Variants in GUCY2C observed in about 807,000 individuals in gnomAD.
GUCY2C encodes guanylate cyclase 2C, also known as guanylyl cyclase C.
Under a neutral mutation model 131.1 loss-of-function variants are expected in GUCY2C, and 118 were observed. The observed-to-expected ratio is 0.90, with a 90% CI of 0.78 to 1.05. The LOEUF (loss-of-function observed/expected upper bound fraction) is 1.05. Among genes scored for constraint, GUCY2C ranks in the 50% least tolerant of loss-of-function variants. The pLI, the probability that GUCY2C is intolerant of heterozygous loss-of-function variation, is 0.00. For synonymous variants in GUCY2C, 452 were observed against 457.8 expected (o/e 0.99, Z 0.16); for missense variants, 1,161 against 1,304.4 (o/e 0.89, Z 1.69).
intron 5 of GUCY2C, among the ~76,000 whole-genome samples, chr12:14,680,638 A>G (rs1948330135): frequency 6.6e-6 from 1 of 152,178 alleles, no homozygotes; most frequent in South Asian, 2.1e-4. Flanking sequence ...TGGAAAGTGC[A>G]ACAAATCCCC....
chr12:14,628,788 C>T (rs1947078949), intron 19 of GUCY2C, 51 bp from the exon 20 acceptor site: 1 of 895,250 alleles, frequency 1.1e-6, no homozygotes, highest in Middle Eastern at 2.2e-4. Context: ...TAAACTAAAT[C>T]AAGAGAGAAT....
chr12:14,679,507 A>G (rs1203600247), intron 6 of GUCY2C, 150 bp downstream of exon 6: 6 of 572,498 alleles, frequency 1.0e-5, no homozygotes, highest in Non-Finnish European at 1.6e-5. Flanking sequence ...GCTAAATAAG[A>G]ATGACAGTGT....
At chr12:14,621,889 A>G in intron 22 of GUCY2C, 116 bp downstream of exon 22, 1 of 651,218 alleles carries the variant, frequency 1.5e-6, no homozygotes, top group Non-Finnish European at 2.5e-6. Flanking sequence ...TCAACCACCA[A>G]TTCACTAAAT....
At chr12:14,659,132 G>A (rs1048999132) in intron 11 of GUCY2C, among the ~76,000 whole-genome samples, 4 of 151,216 alleles carry the variant, frequency 2.6e-5, no homozygotes, top group African/African-American at 4.9e-5. Flanking sequence ...TGCAACCTCC[G>A]CCTCCCGGGT....
At chr12:14,675,952 T>C (rs1053513984) in intron 7 of GUCY2C, among the ~76,000 whole-genome samples, 1 of 152,220 alleles carries the variant, frequency 6.6e-6, no homozygotes, top group Non-Finnish European at 1.5e-5. Context: ...CAAAAGAGGA[T>C]GCAGTCCCTA....
intron 3 of GUCY2C, among the ~76,000 whole-genome samples, chr12:14,684,815 G>A (rs941095845): frequency 5.3e-5 from 8 of 151,596 alleles, no homozygotes; most frequent in African/African-American, 9.7e-5. Flanking sequence ...GACTACAGGC[G>A]TGCATGACTA....
intron 19 of GUCY2C, among the ~76,000 whole-genome samples, chr12:14,633,036 A>G (rs1592091370): frequency 6.6e-6 from 1 of 152,100 alleles, no homozygotes; most frequent in South Asian, 2.1e-4. Context: ...CCTGCTGCCC[A>G]GGAACCCGGG....
intron 15 of GUCY2C, among the ~76,000 whole-genome samples, chr12:14,648,776 G>A (rs927635211): frequency 5.9e-5 from 9 of 152,066 alleles, no homozygotes; most frequent in Admixed American, 4.6e-4. Context: ...TCTGTTTCAC[G>A]CATTAGTGCT....
At chr12:14,671,716 C>A (rs1420900355) in intron 9 of GUCY2C, among the ~76,000 whole-genome samples, 1 of 152,192 alleles carries the variant, frequency 6.6e-6, no homozygotes, top group Non-Finnish European at 1.5e-5. Context: ...GACATTAGAT[C>A]TCACACGTTT....
intron 11 of GUCY2C, among the ~76,000 whole-genome samples, chr12:14,659,210 A>AT (rs1316683497): frequency 2.0e-5 from 3 of 151,814 alleles, no homozygotes; most frequent in African/African-American, 7.3e-5. Flanking sequence ...TGCCCAGCTA[A>AT]TTTTTTGTAT....
rs1383959418 is a variant in GUCY2C at position 14,661,041 on chromosome 12, GCAAT to G, written c.1300_1303del (p.Ile434GlnfsTer18). The G allele has an allele frequency of 6.2e-7, 1 of 1,612,100 alleles. No homozygotes were observed. The highest frequency in any genetic ancestry group is 8.5e-7 in the Non-Finnish European group (1 of 1,178,172). On this transcript the variant is annotated frameshift_variant, in exon 11 of 27. Transcript: ENST00000261170. LOFTEE classifies it high-confidence loss of function. ...CACAGCTCCAGTGAGGGTGAAGACT[GCAAT>G]CATCAGGATCTGAGGGCCTGTGGCG...
intron 7 of GUCY2C, among the ~76,000 whole-genome samples, chr12:14,675,041 C>A (rs1464347188): frequency 1.3e-5 from 2 of 151,650 alleles, no homozygotes; most frequent in African/African-American, 4.8e-5. Context: ...GAAACCCCAT[C>A]TCTATAAAAA....
chr12:14,676,989 G>T lies in GUCY2C; in HGVS notation c.831-18C>A. On this transcript the variant is annotated intron_variant, in intron 6 of 26. Coordinates refer to ENST00000261170, the MANE Select transcript of GUCY2C (RefSeq NM_004963.4). ...ACTGGTCACTGTAATAAAAAGCACA[G>T]GTTCCTCATGAAAATTAGGAAAAAT... 1 of 906,490 alleles carries T rather than the reference G, an allele frequency of 1.1e-6. No homozygotes were observed. The highest frequency in any genetic ancestry group is 2.1e-5 in the South Asian group (1 of 46,822). The allele number at this position is 906,490 out of a possible 1,614,324, so 56.2% of individuals were successfully genotyped here.
intron 23 of GUCY2C, among the ~76,000 whole-genome samples, chr12:14,620,660 C>G (rs2136979843): frequency 6.6e-6 from 1 of 152,070 alleles, no homozygotes; most frequent in South Asian, 2.1e-4. Context: ...TGTAGATAAT[C>G]TAATCCACTT....
chr12:14,691,884 T>C (rs921525384), intron 1 of GUCY2C, among the ~76,000 whole-genome samples: 6 of 152,042 alleles, frequency 3.9e-5, no homozygotes, highest in Non-Finnish European at 7.3e-5. Flanking sequence ...TGGGCTGTGA[T>C]TTTTTACAGG....
intron 10 of GUCY2C, among the ~76,000 whole-genome samples, chr12:14,664,463 C>T (rs1947929487): frequency 2.6e-5 from 4 of 151,896 alleles, no homozygotes; most frequent in South Asian, 4.1e-4. Context: ...ACAGTATGAA[C>T]ATCTCACTGT....
rs555468304 is a variant in GUCY2C at position 14,629,292 on chromosome 12, C to T, written c.2158-555G>A. 2.0e-5 allele frequency among the ~76,000 whole-genome samples: 3 copies of T among 152,168 alleles called. No individual in the cohort carries two copies. The East Asian group carries it at 5.8e-4, about 29-fold the overall frequency. ...TCTGAAGAAACTCCCCAGGCCTCCACAAAGAAGTTTATTGGGGGTCTGAAG... is the reference window on the plus strand; with the variant it reads ...TCTGAAGAAACTCCCCAGGCCTCCATAAAGAAGTTTATTGGGGGTCTGAAG... On this transcript the variant is annotated intron_variant, in intron 19 of 26. Coordinates refer to ENST00000261170, the MANE Select transcript of GUCY2C (RefSeq NM_004963.4).
chr12:14,665,946 C>T (rs145785225), intron 10 of GUCY2C: 18 of 152,324 alleles, frequency 1.2e-4, no homozygotes, highest in African/African-American at 1.7e-4. Context: ...CAGACGCAAA[C>T]ACGGAGCGGG....
At chr12:14,679,485 A>C (rs1241205855) in intron 6 of GUCY2C, among the ~76,000 whole-genome samples, 172 bp downstream of exon 6, 2 of 152,238 alleles carry the variant, frequency 1.3e-5, no homozygotes, top group Admixed American at 6.5e-5. Context: ...ATCTCTGCTA[A>C]AGCCACAATT....
Sources: allele counts gnomAD v4.1 joint callset (sites outside exome capture counted in the v4.1 genomes callset), GRCh38; gene constraint gnomAD v4.1.1; transcripts MANE v1.5; gene names NCBI Gene and HGNC (gene_info 2026-07-23, HGNC 2026-07-21).